The following AKAP6 variants were observed in gnomAD, a reference collection of about 807,000 sequenced individuals.
The protein encoded by AKAP6 is A-kinase anchoring protein 6.
Under a neutral mutation model 188.5 loss-of-function variants are expected in AKAP6, and 58 were observed. That is an observed-to-expected ratio of 0.31 (90% CI 0.25 to 0.38). AKAP6 has a LOEUF of 0.38. AKAP6 is among the 10% of genes least tolerant of loss of function. The pLI is 1.00. For missense variants in AKAP6, 2,710 were observed against 2,740.0 expected, an observed-to-expected ratio of 0.99 and a Z score of 0.24; for synonymous variants, 989 against 998.6, an observed-to-expected ratio of 0.99 and a Z score of 0.18.
chr14:32,562,713 G>A (rs1368419963), intron 4 of AKAP6, among the ~76,000 whole-genome samples: 2 of 152,108 alleles, frequency 1.3e-5, no homozygotes, highest in Admixed American at 1.3e-4. Context: ...AGCCGAGATT[G>A]CACCACTGCA....
At chr14:32,732,825 T>A in intron 10 of AKAP6, 1 of 619,224 alleles carries the variant, frequency 1.6e-6, no homozygotes, top group Non-Finnish European at 2.8e-6. Context: ...ATAATTTTGG[T>A]TCTTTAATAC....
At chr14:32,487,918 G>T (rs973273677) in intron 2 of AKAP6, among the ~76,000 whole-genome samples, 3 of 152,148 alleles carry the variant, frequency 2.0e-5, no homozygotes, top group Non-Finnish European at 4.4e-5. Context: ...TGGAAGCTTC[G>T]TCCCAGAGGG....
intron 1 of AKAP6, among the ~76,000 whole-genome samples, chr14:32,341,954 A>G (rs142006202): frequency 1.3e-5 from 2 of 152,276 alleles, no homozygotes; most frequent in East Asian, 1.9e-4. Context: ...TGAGGCTACA[A>G]TGAGCTGTGA....
At position 32,834,310 on chromosome 14, in the gene AKAP6, C is replaced by T. The variant is rs543587087; in HGVS notation, c.*4505C>T. The T allele has an allele frequency of 2.0e-4, 31 of 152,018 alleles. No homozygotes were observed. The highest frequency in any genetic ancestry group is 7.0e-4 in the African/African-American group (29 of 41,482). The allele number at this position is 152,018 out of a possible 1,614,324, so 9.4% of individuals were successfully genotyped here. A position where few individuals can be genotyped will look rare whatever the true frequency, so the allele number is the denominator to read the frequency against. On this transcript the variant is annotated 3_prime_UTR_variant, in exon 14 of 14. Coordinates refer to ENST00000280979, the MANE Select transcript of AKAP6 (RefSeq NM_004274.5). Reference sequence around the variant, plus strand: ...CTGAGGCAGGAGAATTGCTTGAAGCCAGGAGGCAGAGGTTGCAGTGAGCCG... The same window carrying T: ...CTGAGGCAGGAGAATTGCTTGAAGCTAGGAGGCAGAGGTTGCAGTGAGCCG...
intron 1 of AKAP6, among the ~76,000 whole-genome samples, chr14:32,358,841 T>G (rs1455604072): frequency 6.6e-6 from 1 of 152,186 alleles, no homozygotes; most frequent in Admixed American, 6.5e-5. Flanking sequence ...TTTTCAATAT[T>G]AAGCAGATAT....
chr14:32,472,995 TTCTC>T (rs1323908374), intron 2 of AKAP6, among the ~76,000 whole-genome samples: 1 of 152,212 alleles, frequency 6.6e-6, no homozygotes, highest in Admixed American at 6.5e-5. Flanking sequence ...GTTGGATTCT[TTCTC>T]TCTCAGAATG....
rs1322546675 is a variant in AKAP6, at chr14:32,830,588, T to C, written c.*783T>C. 2.0e-5 allele frequency: 3 copies of C among 152,652 alleles called. No homozygotes were observed. The highest frequency in any genetic ancestry group is 2.9e-5 in the Non-Finnish European group (2 of 68,042). 9.5% of individuals were successfully genotyped at this position (152,652 alleles called of 1,614,324 possible). A position where few individuals can be genotyped will look rare whatever the true frequency, so the allele number is the denominator to read the frequency against. On this transcript the variant is annotated 3_prime_UTR_variant, in exon 14 of 14. Transcript: ENST00000280979. The stretch of plus-strand genomic sequence containing the variant: ...TATACCATTTATTAAAAAGCTGCTT[T>C]CACGGTAAAATTATGTTGGTTTGAA...
intron 11 of AKAP6, among the ~76,000 whole-genome samples, chr14:32,764,714 A>ACG (rs1329864694): frequency 3.3e-5 from 5 of 151,562 alleles, no homozygotes; most frequent in Non-Finnish European, 1.5e-5. Context: ...ACACACACAC[A>ACG]CACGCACACA....
intron 4 of AKAP6, among the ~76,000 whole-genome samples, chr14:32,554,303 T>C (rs1468573324): frequency 6.6e-6 from 1 of 152,252 alleles, no homozygotes; most frequent in Non-Finnish European, 1.5e-5. Flanking sequence ...ACAAATTTGC[T>C]GACCCCTGCT....
At chr14:32,801,012 G>A (rs916418740) in intron 12 of AKAP6, among the ~76,000 whole-genome samples, 5 of 152,082 alleles carry the variant, frequency 3.3e-5, no homozygotes, top group African/African-American at 7.2e-5. Flanking sequence ...GTGACACTCT[G>A]TCTCAAAAAT....
At chr14:32,522,324 C>A (rs1307553442) in intron 2 of AKAP6, among the ~76,000 whole-genome samples, 4 of 152,112 alleles carry the variant, frequency 2.6e-5, no homozygotes, top group African/African-American at 9.7e-5. Context: ...CAACAAAAGC[C>A]AAAATTGACA....
At chr14:32,723,264 A>G (rs946295842) in intron 9 of AKAP6, among the ~76,000 whole-genome samples, 3 of 152,118 alleles carry the variant, frequency 2.0e-5, no homozygotes, top group African/African-American at 7.2e-5. Flanking sequence ...TCCATTCTTT[A>G]TGCAGTTTAA....
At chr14:32,499,616 T>C (rs1261498248) in intron 2 of AKAP6, among the ~76,000 whole-genome samples, 1 of 151,876 alleles carries the variant, frequency 6.6e-6, no homozygotes, top group African/African-American at 2.4e-5. Context: ...TGGATAACAT[T>C]TTTGACACTG....
At chr14:32,560,868 G>C (rs1883928573) in intron 4 of AKAP6, among the ~76,000 whole-genome samples, 1 of 152,068 alleles carries the variant, frequency 6.6e-6, no homozygotes. Flanking sequence ...ACAAAACTTT[G>C]TTATTTCTTG....
rs762008487 is a variant in AKAP6 at position 32,822,591 on chromosome 14, G to A, written c.4778G>A (p.Ser1593Asn). ...FKNGSDSLQR[S>N]TSLESWLTSY... ...AATGGCAGTGACAGCCTCCAGCGAAGCACTTCTTTAGAAAGTTGGTTGACT... is the reference window on the plus strand; with the variant it reads ...AATGGCAGTGACAGCCTCCAGCGAAACACTTCTTTAGAAAGTTGGTTGACT... The change falls in exon 13 of 14, where the codon AGC becomes AAC. Residue 1593 changes from serine (S) to asparagine (N), a missense_variant. This residue lies in a region of AKAP6 where 2,473 missense variants were observed against 2,426.1 expected (regional missense o/e 1.02). Transcript: ENST00000280979. The A allele has an allele frequency of 6.2e-7, 1 of 1,613,968 alleles. No individual in the cohort carries two copies. The highest frequency in any genetic ancestry group is 2.2e-5 in the East Asian group (1 of 44,870).
chr14:32,791,034 T>C lies in AKAP6; in HGVS notation c.3588+17141T>C, dbSNP rs28770915. Among the ~76,000 whole-genome samples the C allele has an allele frequency of 4.8e-3, 738 of 152,300 alleles. 11 individuals are homozygous for C. The highest frequency in any genetic ancestry group is 0.017 in the African/African-American group (697 of 41,554). On this transcript the variant is annotated intron_variant, in intron 12 of 13. Transcript: ENST00000280979. ...AGTCTATCATTGGTGGGCATTTGGA[T>C]TGGTTCCAAGTCTTTGCTATTGCGA... is the stretch of plus-strand genomic sequence containing the variant.
chr14:32,728,300 C>CT (rs761377565), intron 9 of AKAP6, among the ~76,000 whole-genome samples: 128 of 122,532 alleles, frequency 1.0e-3, no homozygotes, highest in East Asian at 1.8e-3. Flanking sequence ...CTAGCATTTG[C>CT]TTTCTTACTG....
chr14:32,819,773 C>G (rs2034473133), intron 12 of AKAP6, among the ~76,000 whole-genome samples: 1 of 151,944 alleles, frequency 6.6e-6, no homozygotes, highest in Admixed American at 6.6e-5. Context: ...AACATAGTGA[C>G]ACCCTGTCTC....
intron 2 of AKAP6, among the ~76,000 whole-genome samples, chr14:32,523,523 C>T (rs1052409494): frequency 7.3e-5 from 11 of 149,804 alleles, no homozygotes; most frequent in Non-Finnish European, 1.5e-4. Context: ...GGCTAGAGTG[C>T]AGTGATGTGA....
Sources: gnomAD v4.1 joint callset for allele counts (sites outside exome capture counted in the v4.1 genomes callset) on GRCh38, gnomAD v4.1.1 for gene constraint, gnomAD v4.1.1 regional missense constraint, MANE v1.5 for transcripts, NCBI Gene and HGNC (gene_info 2026-07-23, HGNC 2026-07-21) for gene names.